The following ATG5 variants were observed in gnomAD, a reference collection of about 807,000 sequenced individuals.
The protein encoded by ATG5 is autophagy related 5.
Under a neutral mutation model 36.5 loss-of-function variants are expected in ATG5, and 14 were observed. The ratio of observed to expected loss-of-function variants is 0.38; its 90% CI spans 0.25 to 0.60. The LOEUF (loss-of-function observed/expected upper bound fraction) is 0.60, where lower values mean the gene tolerates loss of function less well. Among genes scored for constraint, ATG5 ranks in the 20% least tolerant of loss-of-function variants. ATG5 has a pLI of 0.60. For missense variants in ATG5, 195 were observed against 326.7 expected, an observed-to-expected ratio of 0.60 and a Z score of 3.11; for synonymous variants, 95 against 101.5, an observed-to-expected ratio of 0.94 and a Z score of 0.38.
At chr6:106,279,365 A>G (rs1779786572) in intron 5 of ATG5, among the ~76,000 whole-genome samples, 1 of 152,258 alleles carries the variant, frequency 6.6e-6, no homozygotes, top group Admixed American at 6.5e-5. Flanking sequence ...TAAGGAATAA[A>G]GACCACATCC....
chr6:106,302,049 AG>A (rs773006939), intron 3 of ATG5, among the ~76,000 whole-genome samples: 12 of 152,218 alleles, frequency 7.9e-5, no homozygotes, highest in Non-Finnish European at 1.0e-4. Flanking sequence ...ACAAGAATAT[AG>A]GAAGTACACA....
intron 6 of ATG5, among the ~76,000 whole-genome samples, chr6:106,239,050 C>CT (rs1207577904): frequency 6.6e-6 from 1 of 152,056 alleles, no homozygotes; most frequent in Non-Finnish European, 1.5e-5. Context: ...TGATGAAACA[C>CT]TTAAACTGTA....
chr6:106,250,483 G>A (rs1364326554), intron 5 of ATG5, among the ~76,000 whole-genome samples: 2 of 152,136 alleles, frequency 1.3e-5, no homozygotes, highest in South Asian at 2.1e-4. Context: ...TTGGTCTTCC[G>A]ATTCAAAGTC....
chr6:106,265,993 A>T (rs1779213654), intron 5 of ATG5, among the ~76,000 whole-genome samples: 1 of 152,036 alleles, frequency 6.6e-6, no homozygotes, highest in Non-Finnish European at 1.5e-5. Context: ...AATAATTAAG[A>T]TCAGAGCAGA....
intron 6 of ATG5, among the ~76,000 whole-genome samples, chr6:106,204,484 C>G (rs996736511): frequency 7.2e-5 from 11 of 152,072 alleles, no homozygotes; most frequent in Non-Finnish European, 1.6e-4. Context: ...TGATTGATAT[C>G]CTTTGATATG....
chr6:106,197,528 T>TGGGGGGGG (rs958426076), intron 7 of ATG5, among the ~76,000 whole-genome samples: 7 of 54,818 alleles, frequency 1.3e-4, no homozygotes, highest in African/African-American at 1.9e-4. Flanking sequence ...TGGGTTGGGG[T>TGGGGGGGG]GGGGGGGGCG....
intron 5 of ATG5, among the ~76,000 whole-genome samples, chr6:106,255,645 A>G (rs560183207): frequency 6.6e-6 from 1 of 152,304 alleles, no homozygotes; most frequent in African/African-American, 2.4e-5. Flanking sequence ...TTTATTTCAA[A>G]TGTATTTTTA....
intron 5 of ATG5, among the ~76,000 whole-genome samples, chr6:106,269,418 C>T (rs1318042663): frequency 6.6e-6 from 1 of 152,238 alleles, no homozygotes; most frequent in Non-Finnish European, 1.5e-5. Context: ...CTCCTCAGCC[C>T]TTGGGTGGTC....
At chr6:106,255,922 T>C (rs910040221) in intron 5 of ATG5, among the ~76,000 whole-genome samples, 1 of 152,194 alleles carries the variant, frequency 6.6e-6, no homozygotes, top group African/African-American at 2.4e-5. Flanking sequence ...CCTCCTGTTC[T>C]ATTACTTTTT....
At chr6:106,298,209 T>G (rs1770050046) in intron 3 of ATG5, among the ~76,000 whole-genome samples, 1 of 152,044 alleles carries the variant, frequency 6.6e-6, no homozygotes, top group South Asian at 2.1e-4. Context: ...TCTGTCCGCC[T>G]CGGCCTCCCA....
chr6:106,247,715 A>T (rs186031416), intron 6 of ATG5, among the ~76,000 whole-genome samples: 1 of 152,356 alleles, frequency 6.6e-6, no homozygotes, highest in Non-Finnish European at 1.5e-5. Flanking sequence ...ACTAATAAAA[A>T]GCACAAAAAT....
At chr6:106,237,458 G>A (rs1777948043) in intron 6 of ATG5, among the ~76,000 whole-genome samples, 1 of 152,092 alleles carries the variant, frequency 6.6e-6, no homozygotes, top group Non-Finnish European at 1.5e-5. Context: ...TTGTACTTTA[G>A]TCCTTGTTCC....
intron 1 of ATG5, among the ~76,000 whole-genome samples, chr6:106,321,362 CTT>C (rs1212329735): frequency 7.8e-5 from 11 of 140,358 alleles, no homozygotes; most frequent in Non-Finnish European, 1.3e-4. Context: ...TGGGTCAACT[CTT>C]TTTTTTTTTT....
chr6:106,203,377 T>C (rs1776510762), intron 6 of ATG5, among the ~76,000 whole-genome samples: 1 of 152,222 alleles, frequency 6.6e-6, no homozygotes, highest in South Asian at 2.1e-4. Context: ...CCCAGTTTCC[T>C]TTATCTGTTA....
chr6:106,235,034 T>C (rs188075661), intron 6 of ATG5, among the ~76,000 whole-genome samples: 7 of 152,274 alleles, frequency 4.6e-5, no homozygotes, highest in African/African-American at 7.2e-5. Flanking sequence ...CAATCCTGAA[T>C]TGTCACAGAG....
At chr6:106,266,477 A>C (rs1779233315) in intron 5 of ATG5, among the ~76,000 whole-genome samples, 1 of 151,800 alleles carries the variant, frequency 6.6e-6, no homozygotes, top group Admixed American at 6.6e-5. Flanking sequence ...AAAAAGAGGG[A>C]CTCCTCCCTA....
intron 5 of ATG5, among the ~76,000 whole-genome samples, chr6:106,266,728 T>C (rs1443342956): frequency 6.6e-6 from 1 of 152,266 alleles, no homozygotes; most frequent in African/African-American, 2.4e-5. Context: ...ATCCATCACA[T>C]AAACAGAACC....
intron 6 of ATG5, among the ~76,000 whole-genome samples, chr6:106,223,475 A>G (rs1777328382): frequency 6.6e-6 from 1 of 152,232 alleles, no homozygotes; most frequent in South Asian, 2.1e-4. Context: ...TCAGCGTAGT[A>G]GATAGCTTAG....
chr6:106,219,379 A>G (rs1358084798), intron 6 of ATG5, among the ~76,000 whole-genome samples: 1 of 152,218 alleles, frequency 6.6e-6, no homozygotes, highest in African/African-American at 2.4e-5. Flanking sequence ...TTTCATGCAC[A>G]TTAACTCAGC....
Sources: allele counts gnomAD v4.1 joint callset (sites outside exome capture counted in the v4.1 genomes callset), GRCh38; gene constraint gnomAD v4.1.1; transcripts MANE v1.5; gene names NCBI Gene and HGNC (gene_info 2026-07-23, HGNC 2026-07-21).